Variants in CXADR observed in about 807,000 individuals in gnomAD.
CXADR encodes CXADR cell adhesion molecule, also known as coxsackievirus and adenovirus receptor.
Under a neutral mutation model 40.3 loss-of-function variants are expected in CXADR, and 20 were observed. The ratio of observed to expected loss-of-function variants is 0.50; its 90% CI spans 0.35 to 0.72. The LOEUF is 0.72. CXADR is among the 30% of genes least tolerant of loss of function. The pLI, the probability that CXADR is intolerant of heterozygous loss-of-function variation, is 0.01. For missense variants in CXADR, 332 were observed against 449.1 expected, an observed-to-expected ratio of 0.74 and a Z score of 2.36; for synonymous variants, 150 against 161.3, an observed-to-expected ratio of 0.93 and a Z score of 0.53.
intron 3 of CXADR, among the ~76,000 whole-genome samples, chr21:17,552,811 A>T (rs2060986207): frequency 6.6e-6 from 1 of 152,172 alleles, no homozygotes; most frequent in Admixed American, 6.5e-5. Context: ...GAAATAACTG[A>T]TCAGGGCAGG....
intron 1 of CXADR, among the ~76,000 whole-genome samples, chr21:17,544,579 G>A (rs1196205796): frequency 6.6e-6 from 1 of 152,132 alleles, no homozygotes; most frequent in Non-Finnish European, 1.5e-5. Context: ...AGACACCTCC[G>A]TTGCCCCCTC....
intron 7 of CXADR, among the ~76,000 whole-genome samples, chr21:17,584,194 T>A (rs1248249667): frequency 6.6e-6 from 1 of 152,226 alleles, no homozygotes; most frequent in African/African-American, 2.4e-5. Context: ...GCTCAGCCAC[T>A]GAACAAATGA....
the CXADR span, among the ~76,000 whole-genome samples, chr21:17,629,672 T>C: frequency 0.014 from 2,129 of 152,246 alleles, 22 homozygotes; most frequent in Non-Finnish European, 0.024. Flanking sequence ...TTTAATTCTA[T>C]GAAAACATCA....
At chr21:17,523,351 A>G (rs1464014794) in intron 1 of CXADR, among the ~76,000 whole-genome samples, 1 of 152,200 alleles carries the variant, frequency 6.6e-6, no homozygotes, top group East Asian at 1.9e-4. Context: ...TAGAAGAGAA[A>G]GAGCATTTGA....
the CXADR span, among the ~76,000 whole-genome samples, chr21:17,627,938 T>C: frequency 2.0e-5 from 3 of 152,210 alleles, no homozygotes; most frequent in African/African-American, 7.2e-5. Flanking sequence ...AGTTTCTTTC[T>C]TTTAGTTGAT....
chr21:17,582,109 G>A (rs1372854206), intron 7 of CXADR, among the ~76,000 whole-genome samples: 2 of 131,692 alleles, frequency 1.5e-5, no homozygotes, highest in African/African-American at 5.8e-5. Flanking sequence ...CATTTCCTAA[G>A]GCCACATAGC....
At chr21:17,600,133 TG>T in the CXADR span, among the ~76,000 whole-genome samples, 1 of 152,152 alleles carries the variant, frequency 6.6e-6, no homozygotes, top group African/African-American at 2.4e-5. Flanking sequence ...CATATGCTGC[TG>T]GTTACTTAAA....
At chr21:17,553,203 A>G (rs766973838) in intron 3 of CXADR, among the ~76,000 whole-genome samples, 3 of 152,146 alleles carry the variant, frequency 2.0e-5, no homozygotes, top group Non-Finnish European at 4.4e-5. Context: ...GATTACAAGA[A>G]TACTCTTTAG....
the CXADR span, among the ~76,000 whole-genome samples, chr21:17,606,682 AT>A: frequency 3.3e-5 from 5 of 151,744 alleles, no homozygotes; most frequent in Non-Finnish European, 4.4e-5. Context: ...GTTTTGTACT[AT>A]TTTTTTTCAC....
chr21:17,570,017 T>G lies in CXADR; in HGVS notation c.*4325T>G. 1.0e-6 allele frequency: 1 copy of G among 985,452 alleles called. No homozygotes were observed. 61.0% of individuals were successfully genotyped at this position (985,452 alleles called of 1,614,324 possible). On this transcript the variant is annotated 3_prime_UTR_variant, in exon 7 of 7. Coordinates refer to ENST00000284878, the MANE Select transcript of CXADR (RefSeq NM_001338.5). ...ATCCAATGGTGCAGATTTTGAAATT[T>G]GTAAGAACAAAATTTGTTAAGAAAA... is the stretch of plus-strand genomic sequence containing the variant.
At chr21:17,531,777 C>G (rs2060679405) in intron 1 of CXADR, among the ~76,000 whole-genome samples, 1 of 149,886 alleles carries the variant, frequency 6.7e-6, no homozygotes, top group African/African-American at 2.5e-5. Context: ...TTCCTTCAAT[C>G]TCTTTTTGGT....
chr21:17,554,288 G>A (rs1306437885), intron 3 of CXADR, among the ~76,000 whole-genome samples: 1 of 98,988 alleles, frequency 1.0e-5, no homozygotes, highest in Non-Finnish European at 2.5e-5. Flanking sequence ...TGAGTTGGGT[G>A]GTAGGGGATG....
At chr21:17,630,915 G>A in the CXADR span, among the ~76,000 whole-genome samples, 2 of 152,066 alleles carry the variant, frequency 1.3e-5, no homozygotes, top group Non-Finnish European at 2.9e-5. Context: ...AGGAAGTGCA[G>A]AATTCGAAAC....
intron 1 of CXADR, among the ~76,000 whole-genome samples, chr21:17,529,848 A>G (rs969147669): frequency 1.3e-5 from 2 of 152,132 alleles, no homozygotes; most frequent in East Asian, 3.8e-4. Context: ...CCACACCTGC[A>G]TACCTAGCAA....
chr21:17,593,842 A>C, downstream of CXADR: 1 of 461,706 alleles, frequency 2.2e-6, no homozygotes, highest in South Asian at 3.1e-5. Context: ...TGCACAATAT[A>C]TAAATACTCA....
At chr21:17,576,271 C>T (rs2061321937) in intron 7 of CXADR, among the ~76,000 whole-genome samples, 1 of 151,662 alleles carries the variant, frequency 6.6e-6, no homozygotes, top group African/African-American at 2.4e-5. Context: ...ATAAAAGGAG[C>T]TTGGGAGATA....
chr21:17,634,546 C>CTTGT, the CXADR span, among the ~76,000 whole-genome samples: 2 of 152,114 alleles, frequency 1.3e-5, no homozygotes, highest in African/African-American at 4.8e-5. Flanking sequence ...TGGACTTGAA[C>CTTGT]TTGTTTTTAG....
intron 1 of CXADR, among the ~76,000 whole-genome samples, chr21:17,541,637 T>TA (rs2060830681): frequency 6.7e-6 from 1 of 149,514 alleles, no homozygotes; most frequent in African/African-American, 2.5e-5. Context: ...TTTTTTTTAC[T>TA]CTCTGTAGTT....
At chr21:17,514,780 C>T (rs557317091) in intron 1 of CXADR, among the ~76,000 whole-genome samples, 1 of 151,680 alleles carries the variant, frequency 6.6e-6, no homozygotes, top group African/African-American at 2.4e-5. Flanking sequence ...ATTACAGGCA[C>T]CCCCCACCAT....
Sources: allele counts gnomAD v4.1 joint callset (sites outside exome capture counted in the v4.1 genomes callset), GRCh38; gene constraint gnomAD v4.1.1; transcripts MANE v1.5; gene names NCBI Gene and HGNC (gene_info 2026-07-23, HGNC 2026-07-21).